Variants in SLC25A48 observed in about 807,000 individuals in gnomAD.
SLC25A48 encodes the protein solute carrier family 25 member 48.
A neutral mutation model predicts 32.2 loss-of-function variants in SLC25A48; 29 were observed. That is an observed-to-expected ratio of 0.90 (90% CI 0.67 to 1.23). SLC25A48 has a LOEUF of 1.23. SLC25A48 is among the 50% of genes most tolerant of loss of function. SLC25A48 has a pLI of 0.00. For synonymous variants in SLC25A48, 164 were observed against 172.3 expected (o/e 0.95, Z 0.38); for missense variants, 399 against 422.7 (o/e 0.94, Z 0.49).
chr5:135,687,907 T>A (rs935371665), intron 3 of SLC25A48, among the ~76,000 whole-genome samples: 5 of 152,218 alleles, frequency 3.3e-5, no homozygotes, highest in African/African-American at 1.2e-4. Context: ...TGTGGTAAAA[T>A]GCACATAATA....
chr5:135,758,618 TATG>T (rs1341548463), intron 3 of SLC25A48, among the ~76,000 whole-genome samples: 1 of 150,744 alleles, frequency 6.6e-6, no homozygotes, highest in Non-Finnish European at 1.5e-5. Context: ...ATTATATTAA[TATG>T]ATATCATCTA....
At chr5:135,829,998 A>G (rs1758161749), upstream of SLC25A48, among the ~76,000 whole-genome samples, 1 of 151,300 alleles carries the variant, frequency 6.6e-6, no homozygotes, top group South Asian at 2.1e-4. Flanking sequence ...AGGCTTCGAT[A>G]GATCTACACA....
chr5:135,606,543 T>G (rs894035693), intron 1 of SLC25A48, among the ~76,000 whole-genome samples: 4 of 152,206 alleles, frequency 2.6e-5, no homozygotes, highest in African/African-American at 9.6e-5. Context: ...TTGTCGGGTC[T>G]GTTTCACAGG....
At chr5:135,710,583 C>G (rs1754629232) in intron 3 of SLC25A48, among the ~76,000 whole-genome samples, 1 of 152,236 alleles carries the variant, frequency 6.6e-6, no homozygotes, top group Non-Finnish European at 1.5e-5. Flanking sequence ...CCTTACCTCT[C>G]TGGAGCACAG....
At chr5:135,728,343 CT>C (rs1350117845) in intron 3 of SLC25A48, among the ~76,000 whole-genome samples, 1 of 151,610 alleles carries the variant, frequency 6.6e-6, no homozygotes, top group East Asian at 1.9e-4. Flanking sequence ...CAAAAAAGAA[CT>C]AAAAACATCT....
intron 3 of SLC25A48, among the ~76,000 whole-genome samples, chr5:135,700,474 T>C (rs1322900130): frequency 6.7e-6 from 1 of 149,002 alleles, no homozygotes; most frequent in East Asian, 2.0e-4. Context: ...CTGCTAAACA[T>C]CAAACGCTAT....
intron 3 of SLC25A48, among the ~76,000 whole-genome samples, chr5:135,783,414 T>C (rs4036632): frequency 0.6 from 69,381 of 116,272 alleles, 27,763 homozygotes; most frequent in Middle Eastern, 0.77. Context: ...ACCATCCCCC[T>C]GTGTGATTGT....
intron 2 of SLC25A48, among the ~76,000 whole-genome samples, chr5:135,631,295 C>G (rs915244009): frequency 6.6e-6 from 1 of 152,218 alleles, no homozygotes; most frequent in Non-Finnish European, 1.5e-5. Flanking sequence ...ATTGGCTCTG[C>G]ATTCCTCATG....
At chr5:135,769,408 C>A (rs116281307) in intron 3 of SLC25A48, among the ~76,000 whole-genome samples, 1 of 150,280 alleles carries the variant, frequency 6.7e-6, no homozygotes, top group Non-Finnish European at 1.5e-5. Flanking sequence ...ATTTTGTTTG[C>A]AATATCCAGT....
intron 2 of SLC25A48, 96 bp from the exon 3 acceptor site, chr5:135,850,329 G>A (rs1413333707): frequency 8.0e-7 from 1 of 1,256,398 alleles, no homozygotes; most frequent in Non-Finnish European, 1.2e-6. Context: ...GCTGGCGGGG[G>A]TCACTATGAG....
rs138823740 is a variant in SLC25A48, at chr5:135,885,536, C to T, written c.*8-2496C>T. Among the ~76,000 whole-genome samples the T allele has an allele frequency of 4.0e-3, 612 of 152,250 alleles. 1 individual carries two copies. The highest frequency in any genetic ancestry group is 0.013 in the African/African-American group (552 of 41,540). On this transcript the variant is annotated intron_variant, in intron 7 of 7. Transcript: ENST00000681962. ...CTCCCCTCCAGCAGCATCCATGGTC[C>T]TTCCACCAACGTGACCCCTCTGGCA...
intron 3 of SLC25A48, chr5:135,742,462 GT>G: frequency 6.4e-7 from 1 of 1,553,156 alleles, no homozygotes; most frequent in South Asian, 1.2e-5. Context: ...TCACCTGTGT[GT>G]TTTCATCCTC....
At chr5:135,662,760 A>T (rs1753433776) in intron 3 of SLC25A48, among the ~76,000 whole-genome samples, 1 of 151,998 alleles carries the variant, frequency 6.6e-6, no homozygotes, top group African/African-American at 2.4e-5. Context: ...TACTGTTGCC[A>T]GCTTCTTTCT....
intron 2 of SLC25A48, among the ~76,000 whole-genome samples, chr5:135,630,492 G>A (rs574925519): frequency 6.6e-6 from 1 of 150,678 alleles, no homozygotes; most frequent in South Asian, 2.1e-4. Flanking sequence ...TAAAGCCAAT[G>A]GATGGAAATT....
intron 3 of SLC25A48, among the ~76,000 whole-genome samples, chr5:135,788,226 G>A (rs923010345): frequency 3.3e-5 from 5 of 151,458 alleles, no homozygotes; most frequent in East Asian, 2.0e-4. Flanking sequence ...CCGCTGTATG[G>A]TCAGTAATAT....
At chr5:135,874,452 C>G (rs536944034) in intron 6 of SLC25A48, among the ~76,000 whole-genome samples, 1 of 152,200 alleles carries the variant, frequency 6.6e-6, no homozygotes, top group Non-Finnish European at 1.5e-5. Flanking sequence ...TGTCTGTCTC[C>G]GCATTTTGCC....
At chr5:135,719,805 G>A (rs1358517931) in intron 3 of SLC25A48, among the ~76,000 whole-genome samples, 1 of 152,170 alleles carries the variant, frequency 6.6e-6, no homozygotes, top group Non-Finnish European at 1.5e-5. Context: ...CTGCCCTCCT[G>A]CAGTCCAGCC....
chr5:135,703,071 G>T (rs1754428924), intron 3 of SLC25A48, among the ~76,000 whole-genome samples: 1 of 152,226 alleles, frequency 6.6e-6, no homozygotes, highest in Admixed American at 6.5e-5. Context: ...CTATGAAAAT[G>T]CCATTCACTG....
chr5:135,669,386 G>T (rs1306893397), intron 3 of SLC25A48, among the ~76,000 whole-genome samples: 3 of 152,076 alleles, frequency 2.0e-5, no homozygotes, highest in Non-Finnish European at 4.4e-5. Flanking sequence ...TGTGCAAGTT[G>T]CTTATTGGGA....
Sources: allele counts gnomAD v4.1 joint callset (sites outside exome capture counted in the v4.1 genomes callset), GRCh38; gene constraint gnomAD v4.1.1; transcripts MANE v1.5; gene names NCBI Gene and HGNC (gene_info 2026-07-23, HGNC 2026-07-21).